The following BRINP1 variants were observed in gnomAD, a reference collection of about 807,000 sequenced individuals.
The protein encoded by BRINP1 is BMP/retinoic acid-inducible neural-specific protein 1.
A neutral mutation model predicts 72.9 loss-of-function variants in BRINP1; 17 were observed. The ratio of observed to expected loss-of-function variants is 0.23; its 90% confidence interval spans 0.16 to 0.35. The LOEUF (loss-of-function observed/expected upper bound fraction) is 0.35. Among genes scored for constraint, BRINP1 ranks in the 10% least tolerant of loss-of-function variants. The pLI is 1.00. For missense variants in BRINP1, 850 were observed against 1,001.6 expected (o/e 0.85, Z 2.04); for synonymous variants, 418 against 378.5 (o/e 1.10, Z -1.21).
At chr9:119,328,261 T>G (rs1831259371) in intron 1 of BRINP1, among the ~76,000 whole-genome samples, 2 of 152,080 alleles carry the variant, frequency 1.3e-5, no homozygotes, top group African/African-American at 4.8e-5. Context: ...GAATTAAGAA[T>G]ACAGAGGTAG....
intron 7 of BRINP1, among the ~76,000 whole-genome samples, chr9:119,193,565 G>A (rs1221773603): frequency 1.3e-5 from 2 of 152,118 alleles, no homozygotes; most frequent in Non-Finnish European, 2.9e-5. Context: ...TCTTGTAACA[G>A]GAAAGTAACT....
intron 7 of BRINP1, among the ~76,000 whole-genome samples, chr9:119,204,991 A>C (rs963092245): frequency 6.6e-6 from 1 of 152,228 alleles, no homozygotes; most frequent in African/African-American, 2.4e-5. Context: ...CATCTTCCAC[A>C]GACTTCAGCA....
intron 2 of BRINP1, among the ~76,000 whole-genome samples, chr9:119,301,001 G>T (rs1830933148): frequency 6.6e-6 from 1 of 152,162 alleles, no homozygotes; most frequent in Non-Finnish European, 1.5e-5. Context: ...AGTGAGCATA[G>T]CTCCAAGTGT....
chr9:119,246,996 C>G (rs562431520), intron 3 of BRINP1, among the ~76,000 whole-genome samples: 1 of 152,118 alleles, frequency 6.6e-6, no homozygotes, highest in Admixed American at 6.6e-5. Context: ...TAATTCACCA[C>G]CTTGCCTTAG....
At chr9:119,330,894 G>C (rs1831293806) in intron 1 of BRINP1, among the ~76,000 whole-genome samples, 1 of 152,108 alleles carries the variant, frequency 6.6e-6, no homozygotes, top group Non-Finnish European at 1.5e-5. Context: ...AGGCATGGTG[G>C]TGTGCAACTG....
At chr9:119,366,314 G>A (rs112388938) in intron 1 of BRINP1, among the ~76,000 whole-genome samples, 120 of 152,216 alleles carry the variant, frequency 7.9e-4, no homozygotes, top group African/African-American at 2.1e-3. Flanking sequence ...GTAGATGGGT[G>A]TACATTTTGC....
intron 7 of BRINP1, among the ~76,000 whole-genome samples, chr9:119,168,942 C>T (rs529265083): frequency 6.6e-6 from 1 of 152,132 alleles, no homozygotes. Flanking sequence ...CAAGGAGCTA[C>T]AATGAGAAAT....
chr9:119,167,182 G>A lies in BRINP1; in HGVS notation c.2188C>T (p.Leu730=), dbSNP rs558476926. The change falls in exon 8 of 8, where the codon CTG becomes TTG. Residue 730 remains leucine, a synonymous_variant. Transcript: ENST00000265922. The surrounding 1 kb of genome is among the most constrained non-coding windows in gnomAD (Gnocchi z 4.3). ...FSCMLKHRLK[L]TNSEIIRVNH... ...ACCCTGATGATCTCGCTGTTGGTCA[G>A]TTTCAGGCGGTGTTTCAGCATACAG... 1 of 1,614,164 alleles carries A rather than the reference G, an allele frequency of 6.2e-7. No homozygotes were observed. Among genetic ancestry groups the A allele is most frequent in the Non-Finnish European group, 8.5e-7 (1 of 1,180,028 alleles).
At chr9:119,178,411 G>T (rs938567468) in intron 7 of BRINP1, among the ~76,000 whole-genome samples, 1 of 152,150 alleles carries the variant, frequency 6.6e-6, no homozygotes, top group Non-Finnish European at 1.5e-5. Flanking sequence ...ACCACAAAAA[G>T]CTCATTTCAT....
intron 2 of BRINP1, among the ~76,000 whole-genome samples, chr9:119,258,316 C>T (rs1481984949): frequency 2.0e-5 from 3 of 152,136 alleles, no homozygotes; most frequent in African/African-American, 7.2e-5. Flanking sequence ...AACAAGCACA[C>T]TTGGAATGGC....
chr9:119,337,865 A>G (rs1451684800), intron 1 of BRINP1, among the ~76,000 whole-genome samples: 1 of 152,242 alleles, frequency 6.6e-6, no homozygotes, highest in African/African-American at 2.4e-5. Context: ...TTTGTCCTTC[A>G]AAAGATATAC....
chr9:119,169,372 G>A (rs1053973970), intron 7 of BRINP1, among the ~76,000 whole-genome samples: 1 of 151,726 alleles, frequency 6.6e-6, no homozygotes, highest in Non-Finnish European at 1.5e-5. Context: ...GGTGACTGAC[G>A]GCACCTGGAA....
chr9:119,200,641 A>AG (rs1829795547), intron 7 of BRINP1, among the ~76,000 whole-genome samples: 1 of 150,922 alleles, frequency 6.6e-6, no homozygotes, highest in Admixed American at 6.6e-5. Context: ...AAAAAGAAAA[A>AG]AAAAAAAAAG....
chr9:119,254,375 A>G (rs1234992110), intron 2 of BRINP1, among the ~76,000 whole-genome samples: 1 of 152,104 alleles, frequency 6.6e-6, no homozygotes, highest in Non-Finnish European at 1.5e-5. Context: ...ATTTGAGGAG[A>G]CACCTGAAGG....
chr9:119,235,609 G>T lies in BRINP1; in HGVS notation c.685+3046C>A, dbSNP rs142147232. On this transcript the variant is annotated intron_variant, in intron 5 of 7. Coordinates refer to ENST00000265922, the MANE Select transcript of BRINP1 (RefSeq NM_014618.3). ...TCTCTAATAGAATGTATATTTCCTT[G>T]GGGCAGAAACAATGTCTGTCTTGTT... 1.4e-3 allele frequency among the ~76,000 whole-genome samples: 211 copies of T among 152,048 alleles called. 1 individual carries two copies. Among genetic ancestry groups the T allele is most frequent in the African/African-American group, 4.8e-3 (199 of 41,460 alleles).
intron 5 of BRINP1, among the ~76,000 whole-genome samples, chr9:119,216,946 A>G (rs566480825): frequency 6.6e-6 from 1 of 152,344 alleles, no homozygotes; most frequent in East Asian, 1.9e-4. Flanking sequence ...GCTCTTTAAA[A>G]ATGGAAACTC....
chr9:119,269,232 AT>A (rs1450833179), intron 2 of BRINP1, among the ~76,000 whole-genome samples: 1 of 152,122 alleles, frequency 6.6e-6, no homozygotes, highest in African/African-American at 2.4e-5. Context: ...AATCACTATT[AT>A]TTTTACACAT....
At chr9:119,228,015 T>G (rs1270409675) in intron 5 of BRINP1, among the ~76,000 whole-genome samples, 3 of 152,188 alleles carry the variant, frequency 2.0e-5, no homozygotes, top group Non-Finnish European at 4.4e-5. Context: ...TGCAAGATGA[T>G]TTTGAAAATA....
intron 1 of BRINP1, among the ~76,000 whole-genome samples, chr9:119,359,436 A>T (rs1363520833): frequency 1.3e-5 from 2 of 152,218 alleles, no homozygotes; most frequent in African/African-American, 4.8e-5. Flanking sequence ...AGCCGGCCTC[A>T]AGCGATCTTC....
Sources: gnomAD v4.1 joint callset for allele counts (sites outside exome capture counted in the v4.1 genomes callset) on GRCh38, gnomAD v4.1.1 for gene constraint, Gnocchi (gnomAD v3.1) non-coding constraint, MANE v1.5 for transcripts, NCBI Gene and HGNC (gene_info 2026-07-23, HGNC 2026-07-21) for gene names.